SLX9: variants seen among roughly 807,000 people sequenced by gnomAD.
SLX9 encodes the protein ribosome biogenesis protein SLX9 homolog.
In SLX9, 19 loss-of-function variants were observed where a neutral mutation model predicts 20.8. The ratio of observed to expected loss-of-function variants is 0.91; its 90% CI spans 0.64 to 1.34. The LOEUF is 1.34. Ranked by LOEUF, SLX9 falls within the 40% of genes most tolerant of loss-of-function variation. The probability of loss-of-function intolerance (pLI) is 0.00; values close to 1 mark genes in which losing one functional copy is unlikely to be tolerated. For synonymous variants in SLX9, 113 were observed against 137.1 expected (o/e 0.82, Z 1.23); for missense variants, 299 against 322.2 (o/e 0.93, Z 0.55).
At chr21:44,976,599 G>T in intron 5 of SLX9, 81 bp from the exon 6 acceptor site, 1 of 1,520,792 alleles carries the variant, frequency 6.6e-7, no homozygotes, top group South Asian at 1.2e-5. Flanking sequence ...CATTCATTTC[G>T]GTGTCTGACG....
intron 2 of SLX9, among the ~76,000 whole-genome samples, chr21:44,949,637 G>T (rs371247279): frequency 6.6e-6 from 1 of 152,178 alleles, no homozygotes; most frequent in African/African-American, 2.4e-5. Context: ...CACTCCTGCC[G>T]CTTCTGCCTG....
At chr21:44,940,690 C>G (rs1421968715) in intron 1 of SLX9, among the ~76,000 whole-genome samples, 1 of 110,430 alleles carries the variant, frequency 9.1e-6, no homozygotes, top group African/African-American at 3.3e-5. Context: ...TTTTTTTTGG[C>G]TTTTGCCTTA....
intron 2 of SLX9, among the ~76,000 whole-genome samples, chr21:44,945,461 T>C (rs1268110676): frequency 6.6e-6 from 1 of 152,196 alleles, no homozygotes; most frequent in Non-Finnish European, 1.5e-5. Flanking sequence ...CTCTGCCTTT[T>C]CTTGGCCCTC....
At chr21:44,947,280 G>T (rs1256100870) in intron 2 of SLX9, among the ~76,000 whole-genome samples, 1 of 152,214 alleles carries the variant, frequency 6.6e-6, no homozygotes, top group Non-Finnish European at 1.5e-5. Context: ...TGAGGTGGCG[G>T]CCTGTGGGTG....
At chr21:44,960,420 C>T (rs2084932606) in intron 3 of SLX9, among the ~76,000 whole-genome samples, 1 of 152,246 alleles carries the variant, frequency 6.6e-6, no homozygotes, top group Admixed American at 6.5e-5. Flanking sequence ...ACTGCCACCC[C>T]GTCCGTGTGG....
chr21:44,949,215 C>T (rs1354197939), intron 2 of SLX9, among the ~76,000 whole-genome samples: 2 of 152,220 alleles, frequency 1.3e-5, no homozygotes, highest in Non-Finnish European at 2.9e-5. Context: ...CCCGCTCCTG[C>T]TGGCTCTGTG....
At chr21:44,955,978 G>A (rs1188009946) in intron 2 of SLX9, among the ~76,000 whole-genome samples, 1 of 152,256 alleles carries the variant, frequency 6.6e-6, no homozygotes, top group Non-Finnish European at 1.5e-5. Flanking sequence ...TGTACCTTTG[G>A]AGGATATGGA....
At chr21:44,959,625 C>G (rs2084918504) in intron 2 of SLX9, among the ~76,000 whole-genome samples, 1 of 152,238 alleles carries the variant, frequency 6.6e-6, no homozygotes. Flanking sequence ...GGTCACCGAG[C>G]ACATTGTCGG....
intron 2 of SLX9, chr21:44,959,360 T>C (rs1352218756): frequency 1.5e-6 from 1 of 649,074 alleles, no homozygotes; most frequent in East Asian, 1.4e-4. Flanking sequence ...GGGGGTGCCC[T>C]TGAGTCCACT....
At chr21:44,943,969 G>A (rs2084597434) in intron 2 of SLX9, 132 bp downstream of exon 2, 4 of 1,312,208 alleles carry the variant, frequency 3.0e-6, no homozygotes, top group Non-Finnish European at 4.2e-6. Flanking sequence ...GATGCCCCTG[G>A]CTGTTTCTTG....
chr21:44,966,392 GC>G (rs1408254048), intron 3 of SLX9, among the ~76,000 whole-genome samples: 1 of 152,224 alleles, frequency 6.6e-6, no homozygotes, highest in African/African-American at 2.4e-5. Context: ...GCGCTCCACA[GC>G]CTCCAGGAGC....
upstream of SLX9, chr21:44,939,847 G>A: frequency 3.5e-6 from 2 of 574,398 alleles, no homozygotes; most frequent in Non-Finnish European, 6.1e-6. Flanking sequence ...CGCCACCCGC[G>A]TCCTCCGGTC....
At chr21:44,965,101 A>G (rs142655425) in intron 3 of SLX9, among the ~76,000 whole-genome samples, 1 of 152,350 alleles carries the variant, frequency 6.6e-6, no homozygotes, top group East Asian at 1.9e-4. Context: ...AAATGTTTTT[A>G]CTATTCTTAT....
At chr21:44,962,812 C>G (rs2037254998) in intron 3 of SLX9, among the ~76,000 whole-genome samples, 1 of 152,180 alleles carries the variant, frequency 6.6e-6, no homozygotes, top group African/African-American at 2.4e-5. Flanking sequence ...TGGCCCTCAG[C>G]TTTGCCAACA....
intron 1 of SLX9, among the ~76,000 whole-genome samples, chr21:44,942,815 GGT>G (rs2084572744): frequency 6.6e-6 from 1 of 152,108 alleles, no homozygotes; most frequent in Non-Finnish European, 1.5e-5. Context: ...GTGTTCACCA[GGT>G]GTGTCTGTAC....
At chr21:44,960,034 C>A in intron 2 of SLX9, 66 bp from the exon 3 acceptor site, 1 of 1,431,824 alleles carries the variant, frequency 7.0e-7, no homozygotes, top group South Asian at 1.1e-5. Flanking sequence ...CCGCCCCAGC[C>A]CATTCTCAGG....
chr21:44,943,652 T>C, intron 1 of SLX9, 32 bp from the exon 2 acceptor site: 1 of 1,610,090 alleles, frequency 6.2e-7, no homozygotes, highest in South Asian at 1.1e-5. Flanking sequence ...CTCACACCTC[T>C]TCTTTTCGTC....
chr21:44,961,588 A>G (rs1229457284), intron 3 of SLX9, among the ~76,000 whole-genome samples: 1 of 152,192 alleles, frequency 6.6e-6, no homozygotes, highest in Non-Finnish European at 1.5e-5. Context: ...CCTTGTCTCT[A>G]AATAATGTTA....
At chr21:44,963,574 T>C (rs745373177) in intron 3 of SLX9, among the ~76,000 whole-genome samples, 2 of 152,158 alleles carry the variant, frequency 1.3e-5, no homozygotes, top group Admixed American at 6.5e-5. Flanking sequence ...TTTTCTATCT[T>C]GAATTGTTTG....
Sources: allele counts gnomAD v4.1 joint callset (sites outside exome capture counted in the v4.1 genomes callset), GRCh38; gene constraint gnomAD v4.1.1; transcripts MANE v1.5; gene names NCBI Gene and HGNC (gene_info 2026-07-23, HGNC 2026-07-21).